The following CSF2RA variants were observed in gnomAD, a reference collection of about 807,000 sequenced individuals.
The protein encoded by CSF2RA is colony stimulating factor 2 receptor subunit alpha, also known as granulocyte-macrophage colony-stimulating factor receptor subunit alpha.
CSF2RA carries 42 observed loss-of-function variants against 51.6 expected under a neutral mutation model. The observed-to-expected ratio is 0.81, with a 90% CI of 0.64 to 1.05. The LOEUF is 1.05. Ranked by LOEUF, CSF2RA falls within the 50% of genes least tolerant of loss-of-function variation. The pLI, the probability that CSF2RA is intolerant of heterozygous loss-of-function variation, is 0.00. For synonymous variants in CSF2RA, 222 were observed against 193.0 expected (o/e 1.15, Z -1.24); for missense variants, 530 against 501.1 (o/e 1.06, Z -0.55).
downstream of CSF2RA, among the ~76,000 whole-genome samples, chrX:1,314,231 A>ACCTGCCCAACCGCACTGCG (rs2084316176): frequency 9.8e-6 from 1 of 101,666 alleles, no homozygotes; most frequent in African/African-American, 3.0e-5. Context: ...ACCCCACTGC[A>ACCTGCCCAACCGCACTGCG]CCTGCCCAAC....
At chrX:1,292,391 G>GT (rs1283278473) in intron 7 of CSF2RA, among the ~76,000 whole-genome samples, 2 of 152,166 alleles carry the variant, frequency 1.3e-5, no homozygotes, top group Non-Finnish European at 2.9e-5. Flanking sequence ...AGAAAGAACA[G>GT]TGAGCCCAGG....
intron 2 of CSF2RA, among the ~76,000 whole-genome samples, chrX:1,276,226 G>T (rs1184782257): frequency 1.3e-5 from 2 of 151,234 alleles, no homozygotes; most frequent in Non-Finnish European, 2.9e-5. Context: ...TAGACACAGG[G>T]TTTCACTATG....
rs1338547755 is a variant in CSF2RA, at chrX:1,301,069, C to G, written c.946+443C>G. ...TCGGGAGGCTGAGGCAGGAGAATCA[C>G]TTGAACCCAGGAGGCGGAGGTTGCA... On this transcript the variant is annotated intron_variant, in intron 10 of 12. Coordinates refer to ENST00000381529, the MANE Select transcript of CSF2RA (RefSeq NM_172245.4). 2.0e-5 allele frequency among the ~76,000 whole-genome samples: 3 copies of G among 151,784 alleles called. No homozygotes were observed. The East Asian group carries it at 5.8e-4, about 29-fold the overall frequency.
At chrX:1,299,656 G>A (rs746725860) in intron 9 of CSF2RA, among the ~76,000 whole-genome samples, 180 of 152,278 alleles carry the variant, frequency 1.2e-3, no homozygotes, top group African/African-American at 3.2e-3. Context: ...GGTGGCTCAC[G>A]CCTGTCATCC....
chrX:1,322,562 A>G, the CSF2RA span, among the ~76,000 whole-genome samples: 3 of 147,384 alleles, frequency 2.0e-5, no homozygotes, highest in East Asian at 2.0e-4. Flanking sequence ...TGCTCATTTC[A>G]TGGAACTGTT....
chrX:1,299,086 C>A (rs185937838), intron 9 of CSF2RA, among the ~76,000 whole-genome samples: 4 of 152,182 alleles, frequency 2.6e-5, no homozygotes, highest in African/African-American at 9.7e-5. Flanking sequence ...CCTCATAGTT[C>A]TCACTGGGCA....
rs1366009512 is a variant in CSF2RA, at chrX:1,301,347, A to AG, written c.946+721_946+722insG. On this transcript the variant is annotated intron_variant, in intron 10 of 12. Transcript: ENST00000381529. ...ACTCTGTCTCAAAAAAAAAAAAAAA[A>AG]AAAAAAAGAAAAAGTAGAAGGAGGT... Among the ~76,000 whole-genome samples, 100 of 148,480 alleles carry AG rather than the reference A, an allele frequency of 6.7e-4. 1 individual carries two copies. The highest frequency in any genetic ancestry group is 2.4e-3 in the African/African-American group (94 of 39,472).
At chrX:1,285,163 G>T (rs1221415912) in intron 3 of CSF2RA, among the ~76,000 whole-genome samples, 1 of 151,968 alleles carries the variant, frequency 6.6e-6, no homozygotes, top group Non-Finnish European at 1.5e-5. Context: ...AGCCTCCCAA[G>T]GTGCTGGGAT....
chrX:1,315,733 G>C, the CSF2RA span, among the ~76,000 whole-genome samples: 2 of 151,830 alleles, frequency 1.3e-5, no homozygotes, highest in African/African-American at 4.8e-5. Flanking sequence ...ATAGATGATA[G>C]ACATAGATAG....
intron 8 of CSF2RA, among the ~76,000 whole-genome samples, chrX:1,294,802 C>T (rs1432818263): frequency 1.3e-5 from 2 of 151,980 alleles, no homozygotes; most frequent in Admixed American, 1.3e-4. Context: ...GACCCTGCCC[C>T]ATGTCTACCT....
chrX:1,320,754 G>A, the CSF2RA span, among the ~76,000 whole-genome samples: 2 of 146,110 alleles, frequency 1.4e-5, no homozygotes, highest in East Asian at 2.1e-4. Flanking sequence ...CTTGTGATCC[G>A]CCCGCCTCAG....
downstream of CSF2RA, among the ~76,000 whole-genome samples, chrX:1,314,286 G>T (rs1211635189): frequency 7.4e-4 from 80 of 108,582 alleles, 4 homozygotes; most frequent in African/African-American, 2.0e-3. Context: ...CAACCCCACT[G>T]CATCTGCCCA....
chrX:1,290,615 A>G, intron 7 of CSF2RA, 106 bp downstream of exon 7: 1 of 1,175,030 alleles, frequency 8.5e-7, no homozygotes, highest in Non-Finnish European at 1.3e-6. Context: ...CTGTAATCTC[A>G]GCACTTTGGG....
At chrX:1,315,873 T>A in the CSF2RA span, among the ~76,000 whole-genome samples, 2 of 142,318 alleles carry the variant, frequency 1.4e-5, 1 homozygote, top group South Asian at 4.3e-4. Context: ...AATGGATAGA[T>A]GACAGATAGA....
downstream of CSF2RA, among the ~76,000 whole-genome samples, chrX:1,314,526 T>G (rs377328464): frequency 3.2e-5 from 1 of 31,596 alleles, no homozygotes. Flanking sequence ...ACCTGCCCAA[T>G]CCCACTGCAC....
downstream of CSF2RA, among the ~76,000 whole-genome samples, chrX:1,312,243 T>A (rs1414131813): frequency 6.6e-6 from 1 of 152,096 alleles, no homozygotes; most frequent in Non-Finnish European, 1.5e-5. Context: ...CTGTTCCTTA[T>A]AAGGACAATT....
At chrX:1,279,918 T>A (rs1199222127) in intron 2 of CSF2RA, among the ~76,000 whole-genome samples, 8 of 151,544 alleles carry the variant, frequency 5.3e-5, no homozygotes, top group Non-Finnish European at 1.2e-4. Flanking sequence ...ACCTCCCGAG[T>A]AGCTGGGATT....
chrX:1,281,673 A>T (rs780201850), intron 2 of CSF2RA, among the ~76,000 whole-genome samples: 1 of 151,594 alleles, frequency 6.6e-6, no homozygotes, highest in South Asian at 2.1e-4. Flanking sequence ...ACGCCAACCA[A>T]CTCCGGATCT....
the CSF2RA span, among the ~76,000 whole-genome samples, chrX:1,319,248 G>A: frequency 2.7e-4 from 41 of 149,734 alleles, no homozygotes; most frequent in Admixed American, 2.0e-3. Context: ...CACCCGGCTC[G>A]GCCTCCCAAA....
Sources: gnomAD v4.1 joint callset for allele counts (sites outside exome capture counted in the v4.1 genomes callset) on GRCh38, gnomAD v4.1.1 for gene constraint, MANE v1.5 for transcripts, NCBI Gene and HGNC (gene_info 2026-07-23, HGNC 2026-07-21) for gene names.